Variants in SYNDIG1L observed in about 807,000 individuals in gnomAD.
SYNDIG1L encodes the protein synapse differentiation-inducing gene protein 1-like.
Under a neutral mutation model 20.1 loss-of-function variants are expected in SYNDIG1L, and 13 were observed. The ratio of observed to expected loss-of-function variants is 0.65; its 90% CI spans 0.42 to 1.03. SYNDIG1L has a LOEUF of 1.03. SYNDIG1L is among the 50% of genes least tolerant of loss of function. The pLI, the probability that SYNDIG1L is intolerant of heterozygous loss-of-function variation, is 0.00. For synonymous variants in SYNDIG1L, 128 were observed against 129.3 expected (o/e 0.99, Z 0.07); for missense variants, 294 against 305.1 (o/e 0.96, Z 0.27).
In SYNDIG1L at chr14:74,409,805, T is replaced by G. The variant is rs540724033; in HGVS notation, c.-57-4A>C. 349 of 1,378,270 alleles carry G rather than the reference T, an allele frequency of 2.5e-4. 4 individuals are homozygous for G. The South Asian group carries it at 7.3e-3, about 29-fold the overall frequency. The allele number at this position is 1,378,270 out of a possible 1,614,324, so 85.4% of individuals were successfully genotyped here. A position where few individuals can be genotyped will look rare whatever the true frequency, so the allele number is the denominator to read the frequency against. On this transcript the variant is annotated splice_region_variant and splice_polypyrimidine_tract_variant and intron_variant, in intron 1 of 3. Coordinates refer to ENST00000331628, the MANE Select transcript of SYNDIG1L (RefSeq NM_001105579.2). Reference sequence around the variant, plus strand: ...CCAGCTGAGCAGTCCTCAGAGCCTGTCAGAAGAGCAAGACAGACAAGCACT... The same window carrying G: ...CCAGCTGAGCAGTCCTCAGAGCCTGGCAGAAGAGCAAGACAGACAAGCACT...
chr14:74,443,132 G>T, the SYNDIG1L span, among the ~76,000 whole-genome samples: 4 of 152,174 alleles, frequency 2.6e-5, no homozygotes, highest in South Asian at 4.1e-4. Flanking sequence ...GTGTAAAGAG[G>T]GGGCAGGGCT....
At chr14:74,470,691 C>T in the SYNDIG1L span, among the ~76,000 whole-genome samples, 1 of 152,194 alleles carries the variant, frequency 6.6e-6, no homozygotes, top group African/African-American at 2.4e-5. Context: ...TCAGCCCCTG[C>T]TGAAAATCAA....
chr14:74,444,777 CA>C, the SYNDIG1L span, among the ~76,000 whole-genome samples: 2 of 151,680 alleles, frequency 1.3e-5, no homozygotes, highest in African/African-American at 4.8e-5. Context: ...CAAAACAAGA[CA>C]AAAAAAATCC....
chr14:74,416,856 C>A (rs576293213), intron 1 of SYNDIG1L, among the ~76,000 whole-genome samples: 22 of 152,126 alleles, frequency 1.4e-4, no homozygotes, highest in Non-Finnish European at 2.6e-4. Context: ...CTTATACTAG[C>A]CATGTGAAGT....
chr14:74,476,125 C>G, the SYNDIG1L span: 3 of 338,002 alleles, frequency 8.9e-6, no homozygotes, highest in Admixed American at 4.3e-5. Flanking sequence ...CTCCATCAAA[C>G]CTCATCTTTC....
the SYNDIG1L span, among the ~76,000 whole-genome samples, chr14:74,434,369 C>T: frequency 6.6e-6 from 1 of 151,970 alleles, no homozygotes; most frequent in Non-Finnish European, 1.5e-5. Flanking sequence ...GACCTCTACC[C>T]CTGGCCTGCC....
chr14:74,443,197 C>T, the SYNDIG1L span, among the ~76,000 whole-genome samples: 146 of 152,190 alleles, frequency 9.6e-4, no homozygotes, highest in African/African-American at 3.4e-3. Flanking sequence ...GAAGAATGAA[C>T]CTGAAAAGGA....
the SYNDIG1L span, among the ~76,000 whole-genome samples, chr14:74,439,098 G>C: frequency 7.1e-6 from 1 of 141,700 alleles, no homozygotes; most frequent in Admixed American, 7.4e-5. Flanking sequence ...TGGGTGACAA[G>C]AGCGAAACTC....
rs748224776 is a variant in SYNDIG1L at position 74,409,502 on chromosome 14, C to T, written c.243G>A (p.Glu81=). ...SCLLGRDKVK[E]PRAGSCETSF... ...TTGTCTCACAGCTGCCTGCCCTGGG[C>T]TCCTTGACCTTGTCTCTCCCCAGGA... Residue 81 remains glutamate (E), a synonymous_variant, in exon 2 of 4, where the codon GAG becomes GAA. Transcript: ENST00000331628. 41 of 1,609,996 alleles carry T rather than the reference C, an allele frequency of 2.5e-5. No individual in the cohort carries two copies. The Admixed American group carries it at 6.4e-4, about 25-fold the overall frequency.
chr14:74,471,716 C>CATTAG, the SYNDIG1L span, among the ~76,000 whole-genome samples: 1 of 152,146 alleles, frequency 6.6e-6, no homozygotes, highest in African/African-American at 2.4e-5. Flanking sequence ...CTATAGTGCA[C>CATTAG]CCAGGGCATT....
At chr14:74,422,254 A>G (rs2086228213) in intron 1 of SYNDIG1L, among the ~76,000 whole-genome samples, 1 of 152,004 alleles carries the variant, frequency 6.6e-6, no homozygotes, top group Non-Finnish European at 1.5e-5. Context: ...GAGGAAGGAG[A>G]AGAGAGAATA....
At chr14:74,461,229 T>C in the SYNDIG1L span, among the ~76,000 whole-genome samples, 2 of 152,178 alleles carry the variant, frequency 1.3e-5, no homozygotes, top group Non-Finnish European at 2.9e-5. Context: ...ATTACAGGCG[T>C]GAGCCACCGC....
At chr14:74,437,266 C>T in the SYNDIG1L span, among the ~76,000 whole-genome samples, 1 of 152,296 alleles carries the variant, frequency 6.6e-6, no homozygotes, top group South Asian at 2.1e-4. Context: ...CAGGGCATGA[C>T]TTCACTTAGT....
chr14:74,425,650 G>T (rs939605922), intron 1 of SYNDIG1L, among the ~76,000 whole-genome samples: 6 of 152,300 alleles, frequency 3.9e-5, no homozygotes, highest in Non-Finnish European at 5.9e-5. Context: ...GGATGTCTAG[G>T]AGCTGCCTGA....
At chr14:74,454,187 T>C in the SYNDIG1L span, among the ~76,000 whole-genome samples, 1 of 152,176 alleles carries the variant, frequency 6.6e-6, no homozygotes, top group Non-Finnish European at 1.5e-5. Flanking sequence ...GTTTTCCAAA[T>C]TTCAGTTGCA....
chr14:74,419,090 C>T (rs1030877406), intron 1 of SYNDIG1L, among the ~76,000 whole-genome samples: 3 of 152,200 alleles, frequency 2.0e-5, no homozygotes, highest in African/African-American at 7.2e-5. Context: ...CACTTCCCAT[C>T]TCTGTTTGTC....
chr14:74,421,644 A>G (rs1409291733), intron 1 of SYNDIG1L, among the ~76,000 whole-genome samples: 2 of 152,240 alleles, frequency 1.3e-5, no homozygotes, highest in African/African-American at 4.8e-5. Flanking sequence ...AGTGTGTTAA[A>G]GAGTAGAAAT....
chr14:74,458,878 A>G, the SYNDIG1L span, among the ~76,000 whole-genome samples: 1 of 152,050 alleles, frequency 6.6e-6, no homozygotes, highest in Non-Finnish European at 1.5e-5. Flanking sequence ...TGCTGTCTCC[A>G]CTTTTCCCTG....
the SYNDIG1L span, among the ~76,000 whole-genome samples, chr14:74,455,562 G>T: frequency 6.6e-6 from 1 of 152,182 alleles, no homozygotes; most frequent in Non-Finnish European, 1.5e-5. Flanking sequence ...TGGGATTACA[G>T]GCGCCTGCCA....
Sources: gnomAD v4.1 joint callset for allele counts (sites outside exome capture counted in the v4.1 genomes callset) on GRCh38, gnomAD v4.1.1 for gene constraint, MANE v1.5 for transcripts, NCBI Gene and HGNC (gene_info 2026-07-23, HGNC 2026-07-21) for gene names.